The following HUNK variants were observed in gnomAD, a reference collection of about 807,000 sequenced individuals.
HUNK encodes the protein hormonally up-regulated Neu-associated kinase, also known as hormonally up-regulated neu tumor-associated kinase.
A neutral mutation model predicts 61.0 loss-of-function variants in HUNK; 21 were observed. The ratio of observed to expected loss-of-function variants is 0.34; its 90% CI spans 0.24 to 0.50. The LOEUF is 0.50. Among genes scored for constraint, HUNK ranks in the 20% least tolerant of loss-of-function variants. HUNK has a pLI of 0.98. For missense variants in HUNK, 772 were observed against 945.7 expected (o/e 0.82, Z 2.41); for synonymous variants, 371 against 386.1 (o/e 0.96, Z 0.46).
At chr21:31,920,025 G>A (rs928110491) in intron 1 of HUNK, among the ~76,000 whole-genome samples, 2 of 152,188 alleles carry the variant, frequency 1.3e-5, no homozygotes, top group African/African-American at 4.8e-5. Context: ...GTCTTAAAAA[G>A]TATTGGCAGG....
intron 4 of HUNK, 62 bp from the exon 5 acceptor site, chr21:31,958,781 C>T (rs2052907027): frequency 4.0e-6 from 6 of 1,481,966 alleles, no homozygotes; most frequent in Non-Finnish European, 5.4e-6. Context: ...AAGCCCGTGT[C>T]CCCAGTCTTC....
intron 1 of HUNK, among the ~76,000 whole-genome samples, chr21:31,896,099 G>A (rs1361374738): frequency 6.6e-6 from 1 of 152,134 alleles, no homozygotes; most frequent in East Asian, 1.9e-4. Flanking sequence ...CCATTCACAC[G>A]CCAAGGAGAA....
intron 7 of HUNK, among the ~76,000 whole-genome samples, chr21:31,981,347 G>A (rs535035493): frequency 1.3e-4 from 20 of 148,914 alleles, no homozygotes; most frequent in African/African-American, 5.0e-4. Context: ...AGGGTCTTTT[G>A]TGGTTCCATA....
chr21:31,974,588 G>A lies in HUNK; in HGVS notation c.1044G>A (p.Val348=), dbSNP rs1158618593. Residue 348 remains valine (V), a synonymous_variant, in exon 7 of 11, where the codon GTG becomes GTA. Coordinates refer to ENST00000270112, the MANE Select transcript of HUNK (RefSeq NM_014586.2). The part of the protein sequence containing the change: ...ISLEDLSPSV[V]LHMTEKLGYK... Reference sequence around the variant, plus strand: ...TGGAAGATCTGAGCCCGAGCGTCGTGCTGCACATGACCGAGAAGCTGGGTT... The same window carrying A: ...TGGAAGATCTGAGCCCGAGCGTCGTACTGCACATGACCGAGAAGCTGGGTT... 8 of 1,613,838 alleles carry A rather than the reference G, an allele frequency of 5.0e-6. No individual in the cohort carries two copies. The East Asian group carries it at 8.9e-5, about 18-fold the overall frequency.
intron 1 of HUNK, among the ~76,000 whole-genome samples, chr21:31,892,324 G>A (rs1027364709): frequency 1.3e-5 from 2 of 151,538 alleles, no homozygotes; most frequent in East Asian, 3.9e-4. Context: ...CCAGCACTTT[G>A]GGAGGCCGAG....
chr21:31,953,476 C>T (rs543044375), intron 4 of HUNK, among the ~76,000 whole-genome samples: 84 of 152,288 alleles, frequency 5.5e-4, no homozygotes, highest in African/African-American at 1.7e-3. Context: ...TCTGGTGATC[C>T]GCCCACCTCA....
chr21:31,944,754 T>C (rs907486036), intron 3 of HUNK, among the ~76,000 whole-genome samples: 4 of 152,222 alleles, frequency 2.6e-5, no homozygotes, highest in African/African-American at 9.6e-5. Flanking sequence ...CCATTCCCTC[T>C]TATAGTTTGG....
intron 1 of HUNK, among the ~76,000 whole-genome samples, chr21:31,891,675 G>A (rs537936544): frequency 1.3e-3 from 205 of 152,284 alleles, no homozygotes; most frequent in African/African-American, 4.6e-3. Context: ...GTTATGTTGC[G>A]AATATTGTCT....
In HUNK at chr21:31,917,380, G is replaced by A. The variant is rs76588226; in HGVS notation, c.262-7088G>A. 5.1e-4 allele frequency among the ~76,000 whole-genome samples: 78 copies of A among 152,090 alleles called. No homozygotes were observed. The East Asian group carries it at 0.014, about 28-fold the overall frequency. Reference sequence around the variant, plus strand: ...GTTAATTTTTGTGAGATGAGGTTTCGCCATGTTGCACAAGCTGCTATTTCT... The same window carrying A: ...GTTAATTTTTGTGAGATGAGGTTTCACCATGTTGCACAAGCTGCTATTTCT... On this transcript the variant is annotated intron_variant, in intron 1 of 10. Coordinates refer to ENST00000270112, the MANE Select transcript of HUNK (RefSeq NM_014586.2).
At chr21:31,892,209 A>AGAGAGAGT (rs1310942168) in intron 1 of HUNK, among the ~76,000 whole-genome samples, 3 of 114,306 alleles carry the variant, frequency 2.6e-5, no homozygotes, top group Non-Finnish European at 3.6e-5. Context: ...AGAGAGAGAG[A>AGAGAGAGT]GTGTGTGTGT....
chr21:31,906,231 T>C (rs1454030170), intron 1 of HUNK, among the ~76,000 whole-genome samples: 2 of 152,098 alleles, frequency 1.3e-5, no homozygotes, highest in South Asian at 2.1e-4. Flanking sequence ...GGCTTACTGA[T>C]GAATAGTCGG....
intron 1 of HUNK, among the ~76,000 whole-genome samples, chr21:31,920,883 G>A (rs1440657790): frequency 6.6e-6 from 1 of 152,170 alleles, no homozygotes; most frequent in Admixed American, 6.5e-5. Context: ...TGGGCACGGT[G>A]GCTCATTCCT....
Position 31,873,935 on chromosome 21 carries a change from G to A in HUNK, c.261G>A (p.Lys87=). ...GGCTGCACGTGCTGACCGGGGAGAA[G>A]GTGAGTCTCCCGGGCGCCGTGGGGC... ...REGLHVLTGE[K]VAIKVIDKKR... is the part of the protein sequence containing the mutation. Residue 87 remains lysine, a splice_region_variant and synonymous_variant, in exon 1 of 11, where the codon AAG becomes AAA. Coordinates refer to ENST00000270112, the MANE Select transcript of HUNK (RefSeq NM_014586.2). The surrounding 1 kb of genome is among the most constrained non-coding windows in gnomAD (Gnocchi z 6.1). 6.5e-7 allele frequency: 1 copy of A among 1,527,786 alleles called. No individual in the cohort carries two copies. Among genetic ancestry groups the A allele is most frequent in the Middle Eastern group, 1.8e-4 (1 of 5,518 alleles). The allele number at this position is 1,527,786 out of a possible 1,614,324, so 94.6% of individuals were successfully genotyped here.
chr21:31,969,665 C>G (rs1396417702), intron 6 of HUNK, among the ~76,000 whole-genome samples: 1 of 151,686 alleles, frequency 6.6e-6, no homozygotes, highest in Non-Finnish European at 1.5e-5. Flanking sequence ...CTCCTGAGCT[C>G]AAGGGAGTCT....
chr21:31,992,988 G>T (rs2053181289), intron 9 of HUNK, among the ~76,000 whole-genome samples: 1 of 152,166 alleles, frequency 6.6e-6, no homozygotes, highest in African/African-American at 2.4e-5. Flanking sequence ...ATTCTTTTCA[G>T]CTGGAGAAGG....
intron 1 of HUNK, among the ~76,000 whole-genome samples, chr21:31,892,159 A>AT (rs1167766996): frequency 0.01 from 1,025 of 102,494 alleles, 19 homozygotes; most frequent in Admixed American, 0.045. Context: ...AAAAAAAAAA[A>AT]AAAATATATA....
chr21:31,922,849 T>C (rs1442653553), intron 1 of HUNK, among the ~76,000 whole-genome samples: 1 of 152,222 alleles, frequency 6.6e-6, no homozygotes, highest in Non-Finnish European at 1.5e-5. Flanking sequence ...GCATATTGAG[T>C]GCGTTGTGAA....
At chr21:31,975,371 C>T (rs542111789) in intron 7 of HUNK, among the ~76,000 whole-genome samples, 1 of 152,116 alleles carries the variant, frequency 6.6e-6, no homozygotes, top group Non-Finnish European at 1.5e-5. Context: ...AATTTATGTG[C>T]CTTAAATTGT....
At chr21:31,978,622 C>A (rs2053068526) in intron 7 of HUNK, among the ~76,000 whole-genome samples, 1 of 152,084 alleles carries the variant, frequency 6.6e-6, no homozygotes, top group South Asian at 2.1e-4. Context: ...AGCATAATGT[C>A]CTCTAGGTTC....
Sources: allele counts gnomAD v4.1 joint callset (sites outside exome capture counted in the v4.1 genomes callset), GRCh38; gene constraint gnomAD v4.1.1; non-coding constraint Gnocchi (gnomAD v3.1); transcripts MANE v1.5; gene names NCBI Gene and HGNC (gene_info 2026-07-23, HGNC 2026-07-21).